METTL15: variants seen among roughly 807,000 people sequenced by gnomAD.
The protein encoded by METTL15 is methyltransferase 15, mitochondrial 12S rRNA N4-cytidine.
In METTL15, 34 loss-of-function variants were observed where a neutral mutation model predicts 38.3. The ratio of observed to expected loss-of-function variants is 0.89; its 90% CI spans 0.68 to 1.18. The LOEUF (loss-of-function observed/expected upper bound fraction) is 1.18. METTL15 is among the 50% of genes most tolerant of loss of function. METTL15 has a pLI of 0.00. For missense variants in METTL15, 438 were observed against 498.4 expected (o/e 0.88, Z 1.15); for synonymous variants, 162 against 170.9 (o/e 0.95, Z 0.41).
intron 5 of METTL15, among the ~76,000 whole-genome samples, chr11:28,379,710 G>A (rs1301564590): frequency 6.6e-6 from 1 of 152,286 alleles, no homozygotes; most frequent in South Asian, 2.1e-4. Context: ...TTCTGTAAAT[G>A]TCAGTTAGGA....
chr11:28,413,041 A>G (rs1458275129), intron 5 of METTL15, among the ~76,000 whole-genome samples: 1 of 152,042 alleles, frequency 6.6e-6, no homozygotes. Context: ...TGTAAACTTC[A>G]ACTATACACA....
At position 28,279,770 on chromosome 11, in the gene METTL15, T is replaced by C. The variant is rs1855980086; in HGVS notation, c.408-10436T>C. 2.6e-5 allele frequency among the ~76,000 whole-genome samples: 4 copies of C among 152,088 alleles called. No homozygotes were observed. In the South Asian group the frequency reaches 8.3e-4, roughly 32 times the overall value. On this transcript the variant is annotated intron_variant, in intron 4 of 6. Coordinates refer to ENST00000407364, the MANE Select transcript of METTL15 (RefSeq NM_001113528.2). Reference sequence around the variant, plus strand: ...AAAAAATTAGACGGGCATCATGGCTTGTGCCTGTAATCCCAGCTACTCGGA... The same window carrying C: ...AAAAAATTAGACGGGCATCATGGCTCGTGCCTGTAATCCCAGCTACTCGGA...
intron 3 of METTL15, among the ~76,000 whole-genome samples, chr11:28,338,538 G>A (rs545723681): frequency 5.9e-5 from 9 of 151,752 alleles, no homozygotes; most frequent in African/African-American, 9.7e-5. Context: ...TCTCTATTCC[G>A]TAGCCATATG....
intron 6 of METTL15, among the ~76,000 whole-genome samples, chr11:28,430,313 C>G (rs1178196515): frequency 9.1e-6 from 1 of 110,042 alleles, no homozygotes; most frequent in Non-Finnish European, 2.0e-5. Context: ...CCGTGCCATC[C>G]GGGAGGGAGG....
chr11:28,370,424 T>TG (rs1201871482), intron 5 of METTL15, among the ~76,000 whole-genome samples: 5 of 152,050 alleles, frequency 3.3e-5, no homozygotes, highest in African/African-American at 1.2e-4. Context: ...TATTCCATGA[T>TG]GTCTACATAT....
rs113922437 is a variant in METTL15 at position 28,286,179 on chromosome 11, G to C, written c.408-4027G>C. On this transcript the variant is annotated intron_variant, in intron 4 of 6. Coordinates refer to ENST00000407364, the MANE Select transcript of METTL15 (RefSeq NM_001113528.2). ...AAACTATCTGGTAGAAGCTGATGTC[G>C]TGGTCTTGAGGCAGAATTTCTTCTT... Among the ~76,000 whole-genome samples the C allele has an allele frequency of 1.1e-4, 16 of 152,304 alleles. No homozygotes were observed. The South Asian group carries it at 3.3e-3, about 32-fold the overall frequency.
At chr11:28,382,464 T>G (rs909065571) in intron 5 of METTL15, among the ~76,000 whole-genome samples, 1 of 152,240 alleles carries the variant, frequency 6.6e-6, no homozygotes, top group Non-Finnish European at 1.5e-5. Context: ...ACTTTTTCCA[T>G]GTAGAAACTG....
intron 6 of METTL15, among the ~76,000 whole-genome samples, chr11:28,440,960 A>G (rs879617309): frequency 6.6e-6 from 1 of 152,116 alleles, no homozygotes. Context: ...TGTGCTGTTA[A>G]GTATAAAATT....
At chr11:28,379,764 T>C (rs1364763829) in intron 5 of METTL15, among the ~76,000 whole-genome samples, 1 of 152,180 alleles carries the variant, frequency 6.6e-6, no homozygotes, top group Non-Finnish European at 1.5e-5. Flanking sequence ...ATTTCTTTGT[T>C]GATGTTTTCT....
At chr11:28,391,718 G>T (rs1376277334) in intron 5 of METTL15, among the ~76,000 whole-genome samples, 1 of 152,118 alleles carries the variant, frequency 6.6e-6, no homozygotes, top group Non-Finnish European at 1.5e-5. Context: ...ATGGGGAAAG[G>T]ATTCCCTATT....
At chr11:28,366,512 T>C (rs186733293) in intron 5 of METTL15, among the ~76,000 whole-genome samples, 151 of 152,262 alleles carry the variant, frequency 9.9e-4, no homozygotes, top group African/African-American at 1.9e-3. Flanking sequence ...TTCTGAAGAC[T>C]ACAACTGCCA....
chr11:28,178,758 A>G (rs1047448294), intron 3 of METTL15, among the ~76,000 whole-genome samples: 6 of 151,794 alleles, frequency 4.0e-5, no homozygotes, highest in African/African-American at 1.4e-4. Flanking sequence ...ATTTACATTA[A>G]TACTTTCAAA....
chr11:28,318,692 G>A (rs1849354957), intron 6 of METTL15, among the ~76,000 whole-genome samples: 1 of 151,872 alleles, frequency 6.6e-6, no homozygotes, highest in Middle Eastern at 3.2e-3. Flanking sequence ...ATACAAGCTT[G>A]TTCTCCTCAT....
intron 3 of METTL15, among the ~76,000 whole-genome samples, chr11:28,113,899 G>C (rs375528464): frequency 1.3e-5 from 2 of 152,126 alleles, no homozygotes; most frequent in Non-Finnish European, 2.9e-5. Context: ...GTAGGGTAAC[G>C]TAAGTGTTCT....
the METTL15 span, among the ~76,000 whole-genome samples, chr11:28,532,079 C>A: frequency 6.6e-6 from 1 of 152,206 alleles, no homozygotes; most frequent in East Asian, 1.9e-4. Flanking sequence ...ATCTAACTAC[C>A]TACCACCATC....
downstream of METTL15, among the ~76,000 whole-genome samples, chr11:28,530,710 T>G (rs1851839504): frequency 6.6e-6 from 1 of 152,084 alleles, no homozygotes; most frequent in South Asian, 2.1e-4. Context: ...TTAGAATTTT[T>G]TTTTCTGTAA....
At chr11:28,411,485 GA>G (rs1215248434) in intron 5 of METTL15, among the ~76,000 whole-genome samples, 1 of 151,986 alleles carries the variant, frequency 6.6e-6, no homozygotes, top group African/African-American at 2.4e-5. Context: ...TCACGAAGGG[GA>G]AACAATAGTC....
intron 6 of METTL15, among the ~76,000 whole-genome samples, chr11:28,475,491 G>T (rs1275268205): frequency 6.6e-6 from 1 of 152,276 alleles, no homozygotes; most frequent in South Asian, 2.1e-4. Context: ...TCTGGTCATG[G>T]TCTCGTGGTG....
At chr11:28,162,601 A>G (rs371410136) in intron 3 of METTL15, among the ~76,000 whole-genome samples, 9 of 152,178 alleles carry the variant, frequency 5.9e-5, no homozygotes, top group African/African-American at 1.9e-4. Flanking sequence ...TGAAGATGTC[A>G]TAAGTCAAAA....
Sources: gnomAD v4.1 joint callset for allele counts (sites outside exome capture counted in the v4.1 genomes callset) on GRCh38, gnomAD v4.1.1 for gene constraint, MANE v1.5 for transcripts, NCBI Gene and HGNC (gene_info 2026-07-23, HGNC 2026-07-21) for gene names.